The following FOXP1 variants were observed in gnomAD, a reference collection of about 807,000 sequenced individuals.
FOXP1 encodes the protein forkhead box protein P1.
A neutral mutation model predicts 98.2 loss-of-function variants in FOXP1; 15 were observed. The observed-to-expected ratio is 0.15, with a 90% CI of 0.10 to 0.24. FOXP1 has a LOEUF of 0.24. Ranked by LOEUF, FOXP1 falls within the 10% of genes least tolerant of loss-of-function variation. The pLI, the probability that FOXP1 is intolerant of heterozygous loss-of-function variation, is 1.00. For missense variants in FOXP1, 633 were observed against 848.5 expected (o/e 0.75, Z 3.15); for synonymous variants, 371 against 314.5 (o/e 1.18, Z -1.90).
chr3:71,341,762 G>A lies in FOXP1; in HGVS notation c.-73+17388C>T, dbSNP rs1156345364. Among the ~76,000 whole-genome samples, 8 of 152,212 alleles carry A rather than the reference G, an allele frequency of 5.3e-5. No individual in the cohort carries two copies. In the East Asian group the frequency reaches 9.6e-4, roughly 18 times the overall value. Reference sequence around the variant, plus strand: ...AAATATTACTAGGATTTAATCAACTGGTTAACAGATCCACCAACATATCCT... The same window carrying A: ...AAATATTACTAGGATTTAATCAACTAGTTAACAGATCCACCAACATATCCT... On this transcript the variant is annotated intron_variant, in intron 4 of 20. Coordinates refer to ENST00000649528, the MANE Select transcript of FOXP1 (RefSeq NM_001349338.3).
chr3:71,069,517 C>A (rs1033287994), intron 7 of FOXP1, among the ~76,000 whole-genome samples: 8 of 152,188 alleles, frequency 5.3e-5, no homozygotes, highest in Admixed American at 5.2e-4. Context: ...TGGACTGCTT[C>A]TGCCATGGGG....
At chr3:71,395,491 A>T (rs2081318625) in intron 3 of FOXP1, among the ~76,000 whole-genome samples, 1 of 151,486 alleles carries the variant, frequency 6.6e-6, no homozygotes, top group South Asian at 2.1e-4. Context: ...TTCAGACCTC[A>T]GCTCAAAAGT....
At chr3:71,457,321 A>G (rs1261406331) in intron 3 of FOXP1, among the ~76,000 whole-genome samples, 3 of 152,226 alleles carry the variant, frequency 2.0e-5, no homozygotes, top group African/African-American at 7.2e-5. Flanking sequence ...ACATGATCCT[A>G]GAACTTCTAG....
chr3:70,975,443 T>C (rs2037296121), intron 17 of FOXP1, among the ~76,000 whole-genome samples: 1 of 152,256 alleles, frequency 6.6e-6, no homozygotes, highest in Admixed American at 6.5e-5. Flanking sequence ...GTAAAGTTGA[T>C]GAATTAATTC....
intron 11 of FOXP1, among the ~76,000 whole-genome samples, chr3:71,039,821 A>G (rs1281294191): frequency 6.6e-6 from 1 of 151,940 alleles, no homozygotes; most frequent in African/African-American, 2.4e-5. Context: ...TGGCTTCCAG[A>G]CATACATATC....
Position 71,003,574 on chromosome 3 carries a change from T to C in FOXP1, c.975-2515A>G, listed in dbSNP as rs543241375. On this transcript the variant is annotated intron_variant, in intron 12 of 20. Coordinates refer to ENST00000649528, the MANE Select transcript of FOXP1 (RefSeq NM_001349338.3). ...TATGAATATAATTATGCGTGATTAT[T>C]TTATACTGCAAAGATGTTCCCTTTT... is the stretch of plus-strand genomic sequence containing the variant. 3.3e-5 allele frequency among the ~76,000 whole-genome samples: 5 copies of C among 152,260 alleles called. No individual in the cohort carries two copies. In the East Asian group the frequency reaches 9.6e-4, roughly 29 times the overall value.
chr3:71,483,178 G>A (rs1206415557), intron 3 of FOXP1, among the ~76,000 whole-genome samples: 1 of 151,880 alleles, frequency 6.6e-6, no homozygotes, highest in Non-Finnish European at 1.5e-5. Flanking sequence ...TCTTTGACTT[G>A]TCTTCCCTTT....
At chr3:71,002,057 T>C (rs984194008) in intron 12 of FOXP1, among the ~76,000 whole-genome samples, 29 of 152,236 alleles carry the variant, frequency 1.9e-4, no homozygotes, top group African/African-American at 6.3e-4. Context: ...TTCTGGGTGC[T>C]ACCCTATTTC....
In FOXP1 at chr3:71,053,134, T is replaced by G. The variant is rs535893084; in HGVS notation, c.420+502A>C. Among the ~76,000 whole-genome samples, 61 of 152,284 alleles carry G rather than the reference T, an allele frequency of 4.0e-4. No homozygotes were observed. In the East Asian group the frequency reaches 9.3e-3, roughly 23 times the overall value. On this transcript the variant is annotated intron_variant, in intron 8 of 20. Coordinates refer to ENST00000649528, the MANE Select transcript of FOXP1 (RefSeq NM_001349338.3). ...TGAATATTAGGTCCCCATAGTGCAA[T>G]GACAACCAGAAGTTCATTTCAGCAA...
intron 5 of FOXP1, among the ~76,000 whole-genome samples, chr3:71,285,204 A>C (rs1007826468): frequency 6.6e-6 from 1 of 152,202 alleles, no homozygotes; most frequent in African/African-American, 2.4e-5. Context: ...AAAAATAGTA[A>C]GAAACACACA....
chr3:71,013,571 T>C (rs2043983524), intron 12 of FOXP1, among the ~76,000 whole-genome samples: 1 of 152,174 alleles, frequency 6.6e-6, no homozygotes, highest in Non-Finnish European at 1.5e-5. Context: ...ATGGCCACAT[T>C]GCCCAAGGTA....
At chr3:71,524,138 C>A (rs2043191627) in intron 2 of FOXP1, among the ~76,000 whole-genome samples, 1 of 152,056 alleles carries the variant, frequency 6.6e-6, no homozygotes, top group Admixed American at 6.6e-5. Flanking sequence ...GCTGAATGGC[C>A]CCAACAAATG....
At chr3:71,325,959 A>G (rs2075666778) in intron 4 of FOXP1, among the ~76,000 whole-genome samples, 1 of 152,198 alleles carries the variant, frequency 6.6e-6, no homozygotes, top group Non-Finnish European at 1.5e-5. Flanking sequence ...ACTTAGTGAT[A>G]AAAATGTAAT....
chr3:71,137,290 C>G (rs892930909), intron 6 of FOXP1, among the ~76,000 whole-genome samples: 1 of 152,134 alleles, frequency 6.6e-6, no homozygotes, highest in East Asian at 1.9e-4. Context: ...TCTCCATATC[C>G]CTTTATATTT....
chr3:71,325,802 C>G (rs1692683508), intron 4 of FOXP1, among the ~76,000 whole-genome samples: 1 of 152,120 alleles, frequency 6.6e-6, no homozygotes, highest in African/African-American at 2.4e-5. Flanking sequence ...ACCTCCTCCC[C>G]ACAAGAAGCT....
chr3:71,118,012 C>T (rs1175601275), intron 6 of FOXP1, among the ~76,000 whole-genome samples: 1 of 152,164 alleles, frequency 6.6e-6, no homozygotes, highest in Non-Finnish European at 1.5e-5. Flanking sequence ...TGGTGGCAGG[C>T]ACGCATCACT....
chr3:71,213,406 T>G (rs1479436959), intron 5 of FOXP1, among the ~76,000 whole-genome samples: 1 of 152,198 alleles, frequency 6.6e-6, no homozygotes, highest in Non-Finnish European at 1.5e-5. Context: ...TCAAGACCAT[T>G]TAACACAGCT....
chr3:71,217,759 T>C (rs1039886643), intron 5 of FOXP1, among the ~76,000 whole-genome samples: 3 of 152,062 alleles, frequency 2.0e-5, no homozygotes, highest in Non-Finnish European at 4.4e-5. Flanking sequence ...CTGATAGAAG[T>C]ACTCAGGATG....
chr3:71,356,839 G>A (rs974882600), intron 4 of FOXP1, among the ~76,000 whole-genome samples: 5 of 152,242 alleles, frequency 3.3e-5, no homozygotes, highest in South Asian at 4.1e-4. Context: ...ATGACTACTC[G>A]TCACAGGCCA....
Sources: allele counts gnomAD v4.1 joint callset (sites outside exome capture counted in the v4.1 genomes callset), GRCh38; gene constraint gnomAD v4.1.1; transcripts MANE v1.5; gene names NCBI Gene and HGNC (gene_info 2026-07-23, HGNC 2026-07-21).